Variants in GRIP2 observed in about 807,000 individuals in gnomAD.
GRIP2 encodes the protein glutamate receptor interacting protein 2.
A neutral mutation model predicts 108.3 loss-of-function variants in GRIP2; 58 were observed. That is an observed-to-expected ratio of 0.54 (90% CI 0.43 to 0.67). GRIP2 has a LOEUF of 0.67. GRIP2 is among the 30% of genes least tolerant of loss of function. GRIP2 has a pLI of 0.00. For missense variants in GRIP2, 1,278 were observed against 1,430.6 expected, an observed-to-expected ratio of 0.89 and a Z score of 1.72; for synonymous variants, 586 against 598.2, an observed-to-expected ratio of 0.98 and a Z score of 0.30.
At chr3:14,592,568 T>C in the GRIP2 span, among the ~76,000 whole-genome samples, 52 of 152,302 alleles carry the variant, frequency 3.4e-4, no homozygotes, top group African/African-American at 1.1e-3. Context: ...CATGTTTAGC[T>C]GTCCTCACGG....
intron 19 of GRIP2, among the ~76,000 whole-genome samples, chr3:14,506,224 C>T (rs1429721447): frequency 6.6e-6 from 1 of 152,210 alleles, no homozygotes; most frequent in East Asian, 1.9e-4. Context: ...GTAGAGGCCT[C>T]GCCCCCCCTA....
At chr3:14,533,854 T>C (rs1370231750) in intron 1 of GRIP2, among the ~76,000 whole-genome samples, 1 of 152,228 alleles carries the variant, frequency 6.6e-6, no homozygotes, top group African/African-American at 2.4e-5. Context: ...GGGTTCAGCC[T>C]GTGAGCCATC....
chr3:14,573,334 T>C, the GRIP2 span: 2 of 1,399,022 alleles, frequency 1.4e-6, no homozygotes, highest in Non-Finnish European at 2.0e-6. Context: ...AGCAGGTAGA[T>C]GATGGCTATG....
At position 14,511,153 on chromosome 3, in the gene GRIP2, T is replaced by C; in HGVS notation, c.1933+12A>G. On this transcript the variant is annotated intron_variant, in intron 16 of 23. Coordinates refer to ENST00000621039, the MANE Select transcript of GRIP2 (RefSeq NM_001080423.4). This position sits in a 1 kb window ranked among gnomAD's most constrained non-coding sequence, Gnocchi z 4.1. ...GGCCTCTGGAGGTAGGAGGCCAGCA[T>C]GAGGGCCATACCAGAGTTGTCCTCG... 1.2e-6 allele frequency: 2 copies of C among 1,613,572 alleles called. No individual in the cohort carries two copies. The highest frequency in any genetic ancestry group is 3.3e-5 in the Admixed American group (2 of 59,986).
the GRIP2 span, among the ~76,000 whole-genome samples, chr3:14,585,147 C>T: frequency 0.011 from 1,735 of 152,282 alleles, 16 homozygotes; most frequent in Non-Finnish European, 0.017. Flanking sequence ...GTCTGTCTCC[C>T]GAGTAGCCGG....
At chr3:14,551,147 G>C (rs938800018) in intron 1 of GRIP2, among the ~76,000 whole-genome samples, 1 of 152,186 alleles carries the variant, frequency 6.6e-6, no homozygotes. Flanking sequence ...GTCAGCCTGA[G>C]TCCCTTGGCT....
At position 14,507,435 on chromosome 3, in the gene GRIP2, A is replaced by G. The variant is rs1693961650; in HGVS notation, c.2218+126T>C. ...CTCTCTGAGTCTTATCTTCTTTGCC[A>G]TCGCAGGCCCGCCTCCACAGGGCTG... On this transcript the variant is annotated intron_variant, in intron 18 of 23. Transcript: ENST00000621039. This position sits in a 1 kb window ranked among gnomAD's most constrained non-coding sequence, Gnocchi z 4.6. 3 of 1,193,910 alleles carry G rather than the reference A, an allele frequency of 2.5e-6. No individual in the cohort carries two copies. The highest frequency in any genetic ancestry group is 2.4e-5 in the East Asian group (1 of 41,500). 74.0% of individuals were successfully genotyped at this position (1,193,910 alleles called of 1,614,324 possible). A position where few individuals can be genotyped will look rare whatever the true frequency, so the allele number is the denominator to read the frequency against.
At chr3:14,595,446 G>A in the GRIP2 span, among the ~76,000 whole-genome samples, 1 of 152,148 alleles carries the variant, frequency 6.6e-6, no homozygotes, top group Non-Finnish European at 1.5e-5. Flanking sequence ...TGAGCCGCCT[G>A]CACTTTCAAA....
At chr3:14,594,847 T>C in the GRIP2 span, among the ~76,000 whole-genome samples, 2 of 152,194 alleles carry the variant, frequency 1.3e-5, no homozygotes, top group Non-Finnish European at 2.9e-5. Flanking sequence ...ATTAAAATAG[T>C]TAACATATAA....
chr3:14,551,462 G>A lies in GRIP2; in HGVS notation c.55+4438C>T, dbSNP rs577843839. On this transcript the variant is annotated intron_variant, in intron 1 of 23. Transcript: ENST00000637182. The stretch of plus-strand genomic sequence containing the variant: ...TGGGCTCCACTCTGGGCTCTGCTCT[G>A]CAACAGGGACATACAGAGGATGGGG... Among the ~76,000 whole-genome samples, 7 of 152,326 alleles carry A rather than the reference G, an allele frequency of 4.6e-5. No homozygotes were observed. In the South Asian group the frequency reaches 1.4e-3, roughly 32 times the overall value.
At chr3:14,529,805 A>G (rs550840129) in intron 1 of GRIP2, among the ~76,000 whole-genome samples, 12 of 152,258 alleles carry the variant, frequency 7.9e-5, no homozygotes, top group African/African-American at 2.9e-4. Flanking sequence ...TGTGGTTGGT[A>G]ATTGTTGGAT....
At chr3:14,496,844 C>T (rs939348180) in intron 21 of GRIP2, among the ~76,000 whole-genome samples, 1 of 152,158 alleles carries the variant, frequency 6.6e-6, no homozygotes, top group Non-Finnish European at 1.5e-5. Context: ...TTATTCTCTA[C>T]AGTACAATGA....
chr3:14,556,677 C>T (rs951511379), upstream of GRIP2, among the ~76,000 whole-genome samples: 3 of 152,328 alleles, frequency 2.0e-5, no homozygotes, highest in Non-Finnish European at 4.4e-5. Flanking sequence ...AGAGAAGCTG[C>T]TCAAACTGCT....
chr3:14,573,663 G>A, the GRIP2 span: 17 of 1,499,620 alleles, frequency 1.1e-5, no homozygotes, highest in Middle Eastern at 3.4e-4. Context: ...GGGAAGGTTG[G>A]TGTGGTTCCC....
intron 19 of GRIP2, among the ~76,000 whole-genome samples, chr3:14,506,213 C>G (rs75032172): frequency 0.016 from 2,471 of 152,282 alleles, 30 homozygotes; most frequent in East Asian, 0.047. Context: ...ACCTACGGCC[C>G]GTAGAGGCCT....
At chr3:14,538,125 G>T (rs1161017243) in intron 1 of GRIP2, among the ~76,000 whole-genome samples, 1 of 152,190 alleles carries the variant, frequency 6.6e-6, no homozygotes, top group Admixed American at 6.5e-5. Context: ...CAGAGAAAGG[G>T]CATAGGGCTG....
chr3:14,587,967 T>G, the GRIP2 span, among the ~76,000 whole-genome samples: 1 of 152,252 alleles, frequency 6.6e-6, no homozygotes, highest in East Asian at 1.9e-4. Context: ...AAAGTAGCCA[T>G]GTATTACTAT....
chr3:14,507,069 C>T lies in GRIP2; in HGVS notation c.2219-89G>A. On this transcript the variant is annotated intron_variant, in intron 18 of 23. Transcript: ENST00000621039. This position sits in a 1 kb window ranked among gnomAD's most constrained non-coding sequence, Gnocchi z 4.6. Reference sequence around the variant, plus strand: ...CATTTCAGCCTGGTCTGGAAACTCACAGGCAGTAAGCCCTTCTGAGCTGAC... The same window carrying T: ...CATTTCAGCCTGGTCTGGAAACTCATAGGCAGTAAGCCCTTCTGAGCTGAC... 7.8e-7 allele frequency: 1 copy of T among 1,275,960 alleles called. No homozygotes were observed. The allele number at this position is 1,275,960 out of a possible 1,614,324, so 79.0% of individuals were successfully genotyped here. A position where few individuals can be genotyped will look rare whatever the true frequency, so the allele number is the denominator to read the frequency against.
chr3:14,499,380 G>A (rs1210234750), intron 21 of GRIP2, among the ~76,000 whole-genome samples: 2 of 65,116 alleles, frequency 3.1e-5, no homozygotes, highest in African/African-American at 4.0e-5. Flanking sequence ...AAAACAAGTC[G>A]GCGAATCCAT....
Sources: gnomAD v4.1 joint callset for allele counts (sites outside exome capture counted in the v4.1 genomes callset) on GRCh38, gnomAD v4.1.1 for gene constraint, Gnocchi (gnomAD v3.1) non-coding constraint, MANE v1.5 for transcripts, NCBI Gene and HGNC (gene_info 2026-07-23, HGNC 2026-07-21) for gene names.